Variants in ZC3H12C observed in about 807,000 individuals in gnomAD.
The protein encoded by ZC3H12C is zinc finger CCCH-type containing 12C.
A neutral mutation model predicts 76.3 loss-of-function variants in ZC3H12C; 20 were observed. The ratio of observed to expected loss-of-function variants is 0.26; its 90% CI spans 0.18 to 0.38. The LOEUF is 0.38. ZC3H12C is among the 10% of genes least tolerant of loss of function. The probability of loss-of-function intolerance (pLI) is 1.00; values close to 1 mark genes in which losing one functional copy is unlikely to be tolerated. For synonymous variants in ZC3H12C, 352 were observed against 399.6 expected, an observed-to-expected ratio of 0.88 and a Z score of 1.42; for missense variants, 874 against 1,086.5, an observed-to-expected ratio of 0.80 and a Z score of 2.75.
intron 1 of ZC3H12C, among the ~76,000 whole-genome samples, chr11:110,134,418 G>A (rs996437734): frequency 2.0e-5 from 3 of 152,032 alleles, no homozygotes; most frequent in African/African-American, 4.8e-5. Context: ...GGTTTTCCTC[G>A]TTTAAGATAC....
At chr11:110,126,404 G>C (rs994991972) in intron 1 of ZC3H12C, among the ~76,000 whole-genome samples, 34 of 151,044 alleles carry the variant, frequency 2.3e-4, no homozygotes, top group African/African-American at 7.8e-4. Flanking sequence ...TTATTTTTGA[G>C]ATACAGGATC....
chr11:110,117,467 A>G (rs1861546338), intron 1 of ZC3H12C, among the ~76,000 whole-genome samples: 1 of 151,810 alleles, frequency 6.6e-6, no homozygotes. Flanking sequence ...GTATAGATGT[A>G]TATAAAGTTA....
intron 1 of ZC3H12C, among the ~76,000 whole-genome samples, chr11:110,129,790 C>A (rs753233792): frequency 1.3e-5 from 2 of 149,312 alleles, no homozygotes; most frequent in Non-Finnish European, 3.0e-5. Context: ...AATATCCTTA[C>A]AATGCCTTAT....
intron 1 of ZC3H12C, chr11:110,131,330 T>C (rs1861862212): frequency 3.3e-5 from 18 of 546,496 alleles, no homozygotes. Context: ...TAGAGCTTCA[T>C]GAACATTTAT....
intron 1 of ZC3H12C, among the ~76,000 whole-genome samples, chr11:110,119,040 G>A (rs771932105): frequency 6.6e-5 from 10 of 151,962 alleles, no homozygotes; most frequent in Non-Finnish European, 1.0e-4. Flanking sequence ...AAGCATGCAC[G>A]TGCAAAAATA....
In ZC3H12C at chr11:110,137,030, T is replaced by A. The variant is rs1259735354; in HGVS notation, c.389T>A (p.Ile130Lys). 1 of 1,613,854 alleles carries A rather than the reference T, an allele frequency of 6.2e-7. No homozygotes were observed. The highest frequency in any genetic ancestry group is 8.5e-7 in the Non-Finnish European group (1 of 1,179,870). Residue 130 changes from isoleucine (I) to lysine (K), a missense_variant, in exon 2 of 6, where the codon ATA (isoleucine) becomes AAA (lysine). This residue lies in a region of ZC3H12C where 210 missense variants were observed against 227.1 expected (regional missense o/e 0.92). Coordinates refer to ENST00000278590, the MANE Select transcript of ZC3H12C (RefSeq NM_033390.2). ...LCRSPCLEPHILKRNEILQDF... is the reference protein window; with the variant it reads ...LCRSPCLEPHKLKRNEILQDF... ...AGGTCTCCCTGTTTAGAGCCTCACA[T>A]ACTCAAGCGCAATGAAATTTTGCAA...
chr11:110,163,340 C>A lies in ZC3H12C; in HGVS notation c.1216C>A (p.Pro406Thr). The change falls in exon 5 of 6, where the codon CCT becomes ACT. Residue 406 changes from proline to threonine, a missense_variant. Around this residue, in one of 3 missense-constraint regions of ZC3H12C, gnomAD observed 269 missense variants for 424.9 expected, o/e 0.63. Transcript: ENST00000278590. Reference sequence around the variant, plus strand: ...TCTGGATAATTTTCTGAGGAAGAAACCTATTGTTCCTGAACACAAAAAGCA... The same window carrying A: ...TCTGGATAATTTTCTGAGGAAGAAAACTATTGTTCCTGAACACAAAAAGCA... ...PSLDNFLRKKPIVPEHKKQPC... is the reference protein window; with the variant it reads ...PSLDNFLRKKTIVPEHKKQPC... 1.9e-6 allele frequency: 3 copies of A among 1,612,840 alleles called. No individual in the cohort carries two copies. The highest frequency in any genetic ancestry group is 2.5e-6 in the Non-Finnish European group (3 of 1,179,492).
At chr11:110,142,447 T>C (rs1862083088) in intron 2 of ZC3H12C, among the ~76,000 whole-genome samples, 1 of 152,248 alleles carries the variant, frequency 6.6e-6, no homozygotes, top group South Asian at 2.1e-4. Context: ...TTTCTACTTT[T>C]GTTAATAAGA....
chr11:110,098,683 T>A (rs76604729), intron 1 of ZC3H12C, among the ~76,000 whole-genome samples: 4,125 of 152,342 alleles, frequency 0.027, 329 homozygotes, highest in Admixed American at 0.17. Flanking sequence ...TGTGTTACAG[T>A]TGCCTACAGT....
intron 3 of ZC3H12C, among the ~76,000 whole-genome samples, chr11:110,154,612 A>C (rs1470641900): frequency 2.0e-5 from 3 of 152,044 alleles, no homozygotes; most frequent in African/African-American, 7.2e-5. Context: ...AGGTGGTTGA[A>C]GACTAATTAT....
rs757805730 is a variant in ZC3H12C, at chr11:110,137,341, A to G, written c.700A>G (p.Met234Val). The G allele has an allele frequency of 4.1e-5, 66 of 1,613,792 alleles. No homozygotes were observed. The highest frequency in any genetic ancestry group is 5.3e-5 in the African/African-American group (4 of 74,950). ...GGAATCTCAGAGGTCTGAATCTCCA[A>G]TGCAAGAGATTGTAACAGATGATGG... Reference protein sequence around the residue: ...SLESQRSESPMQEIVTDDGEN... With the variant: ...SLESQRSESPVQEIVTDDGEN... The change falls in exon 2 of 6, where the codon ATG (methionine) becomes GTG (valine). Residue 234 changes from methionine (M) to valine (V), a missense_variant. Met to Val is a conservative substitution (Grantham distance 21). Transcript: ENST00000278590.
intron 4 of ZC3H12C, among the ~76,000 whole-genome samples, chr11:110,160,535 G>A (rs1433888576): frequency 2.0e-5 from 3 of 149,516 alleles, no homozygotes. Flanking sequence ...TAAAGTGTTT[G>A]TTAAAAACTA....
intron 1 of ZC3H12C, among the ~76,000 whole-genome samples, chr11:110,094,736 G>C (rs894281208): frequency 6.6e-6 from 1 of 152,062 alleles, no homozygotes; most frequent in Non-Finnish European, 1.5e-5. Context: ...TGCCTATTTC[G>C]GACTTGACCC....
At chr11:110,162,252 G>A (rs889138185) in intron 4 of ZC3H12C, among the ~76,000 whole-genome samples, 1 of 152,220 alleles carries the variant, frequency 6.6e-6, no homozygotes. Flanking sequence ...GTAAAATGAT[G>A]TGTGCACAAT....
At chr11:110,111,976 CAT>C (rs10594885) in intron 1 of ZC3H12C, among the ~76,000 whole-genome samples, 106,253 of 151,684 alleles carry the variant, frequency 0.7, 37,482 homozygotes, top group East Asian at 0.89. Flanking sequence ...CACGTGCACA[CAT>C]GTACACATGA....
In ZC3H12C at chr11:110,168,461, A is replaced by G. The variant is rs1273037883; in HGVS notation, c.*2724A>G. 1 of 152,180 alleles carries G rather than the reference A, an allele frequency of 6.6e-6. No individual in the cohort carries two copies. Among genetic ancestry groups the G allele is most frequent in the Non-Finnish European group, 1.5e-5 (1 of 68,008 alleles). 9.4% of individuals were successfully genotyped at this position (152,180 alleles called of 1,614,324 possible). On this transcript the variant is annotated 3_prime_UTR_variant, in exon 6 of 6. Transcript: ENST00000278590. ...TTAAATTAAATCCATAGCTGATCAC[A>G]AGCCTTCATTTTAGCCAAAACTTTC... is the stretch of plus-strand genomic sequence containing the variant.
intron 2 of ZC3H12C, among the ~76,000 whole-genome samples, chr11:110,145,604 CG>C (rs375977452): frequency 5.4e-5 from 8 of 147,630 alleles, no homozygotes; most frequent in Admixed American, 1.3e-4. Context: ...AAATTGGGGG[CG>C]GGGGGGAGTT....
At chr11:110,139,717 T>G (rs1047575222) in intron 2 of ZC3H12C, among the ~76,000 whole-genome samples, 10 of 152,096 alleles carry the variant, frequency 6.6e-5, no homozygotes, top group African/African-American at 2.2e-4. Flanking sequence ...TGAAGGAAGG[T>G]CATAGATCCC....
intron 1 of ZC3H12C, among the ~76,000 whole-genome samples, chr11:110,130,297 A>C (rs544910004): frequency 7.9e-5 from 12 of 152,198 alleles, no homozygotes; most frequent in Non-Finnish European, 1.6e-4. Context: ...TGTTTTATCT[A>C]CACTTTCAGT....
Sources: gnomAD v4.1 joint callset for allele counts (sites outside exome capture counted in the v4.1 genomes callset) on GRCh38, gnomAD v4.1.1 for gene constraint, gnomAD v4.1.1 regional missense constraint, MANE v1.5 for transcripts, NCBI Gene and HGNC (gene_info 2026-07-23, HGNC 2026-07-21) for gene names.